Variants in JPH1 observed in about 807,000 individuals in gnomAD.
The protein encoded by JPH1 is junctophilin-1.
In JPH1, 12 loss-of-function variants were observed where a neutral mutation model predicts 53.6. That is an observed-to-expected ratio of 0.22 (90% CI 0.14 to 0.36). JPH1 has a LOEUF of 0.36. Among genes scored for constraint, JPH1 ranks in the 10% least tolerant of loss-of-function variants. JPH1 has a pLI of 1.00. For missense variants in JPH1, 808 were observed against 905.5 expected (o/e 0.89, Z 1.38); for synonymous variants, 375 against 363.8 (o/e 1.03, Z -0.35).
intron 2 of JPH1, among the ~76,000 whole-genome samples, chr8:74,313,233 A>C (rs993917353): frequency 6.6e-6 from 1 of 152,212 alleles, no homozygotes; most frequent in Admixed American, 6.5e-5. Context: ...GGCCTAACAA[A>C]TGTTTATCAC....
intron 2 of JPH1, among the ~76,000 whole-genome samples, chr8:74,311,087 G>A (rs7000149): frequency 7.0e-4 from 107 of 152,182 alleles, no homozygotes; most frequent in African/African-American, 2.4e-3. Context: ...CACCACACCC[G>A]GCTAATTTTC....
rs187057474 is a variant in JPH1 at position 74,234,924 on chromosome 8, C to A, written c.*2127G>T. 6.6e-6 allele frequency: 1 copy of A among 152,524 alleles called. No individual in the cohort carries two copies. Among genetic ancestry groups the A allele is most frequent in the Non-Finnish European group, 1.5e-5 (1 of 68,026 alleles). The allele number at this position is 152,524 out of a possible 1,614,324, so 9.4% of individuals were successfully genotyped here. A position where few individuals can be genotyped will look rare whatever the true frequency, so the allele number is the denominator to read the frequency against. ...CAGTATAACAACCCATTAGAAAGAG[C>A]CTTCATGTAAAATACAGCTGTGCAC... is the stretch of plus-strand genomic sequence containing the variant. On this transcript the variant is annotated 3_prime_UTR_variant, in exon 6 of 6. Coordinates refer to ENST00000342232, the MANE Select transcript of JPH1 (RefSeq NM_020647.4).
rs566314988 is a variant in JPH1 at position 74,249,763 on chromosome 8, T to C, written c.1259-4588A>G. Reference sequence around the variant, plus strand: ...ATCCATGACATATTAATGATAGGCCTAGACTATTATGTAATGGAGCTATGC... The same window carrying C: ...ATCCATGACATATTAATGATAGGCCCAGACTATTATGTAATGGAGCTATGC... On this transcript the variant is annotated intron_variant, in intron 3 of 5. Transcript: ENST00000342232. 2.0e-5 allele frequency among the ~76,000 whole-genome samples: 3 copies of C among 152,350 alleles called. No homozygotes were observed. The South Asian group carries it at 6.2e-4, about 32-fold the overall frequency.
At position 74,244,687 on chromosome 8, in the gene JPH1, T is replaced by G; in HGVS notation, c.1747A>C (p.Lys583Gln). Reference sequence around the variant, plus strand: ...GGACTCCACTTGTTAGCGGATGGCTTGTGCACCAGTGCTGAGGAAGACTGG... The same window carrying G: ...GGACTCCACTTGTTAGCGGATGGCTGGTGCACCAGTGCTGAGGAAGACTGG... ...SSQSSSALVH[K>Q]PSANKWSPSK... The change falls in exon 4 of 6, where the codon AAG becomes CAG. Residue 583 changes from lysine (K) to glutamine (Q), a missense_variant. Physicochemically the swap from Lys to Gln is moderately conservative, Grantham distance 53. Transcript: ENST00000342232. The G allele has an allele frequency of 6.2e-7, 1 of 1,614,214 alleles. No individual in the cohort carries two copies.
At position 74,315,252 on chromosome 8, in the gene JPH1, A is replaced by C; in HGVS notation, c.748T>G (p.Ser250Ala). ...RSDAAMSRISSSDANSTISFG... is the reference protein window; with the variant it reads ...RSDAAMSRISASDANSTISFG... The stretch of plus-strand genomic sequence containing the variant: ...CTGATCGTGGAGTTGGCATCGCTGG[A>C]ACTAATTCTGCTCATGGCCGCGTCG... The change falls in exon 2 of 6, where the codon TCC becomes GCC. Residue 250 changes from serine to alanine, a missense_variant. Physicochemically the swap from Ser to Ala is moderately conservative, Grantham distance 99. Coordinates refer to ENST00000342232, the MANE Select transcript of JPH1 (RefSeq NM_020647.4). The surrounding 1 kb of genome is among the most constrained non-coding windows in gnomAD (Gnocchi z 6.3). The C allele has an allele frequency of 6.2e-7, 1 of 1,614,184 alleles. No homozygotes were observed. Among genetic ancestry groups the C allele is most frequent in the Non-Finnish European group, 8.5e-7 (1 of 1,180,042 alleles).
intron 2 of JPH1, among the ~76,000 whole-genome samples, chr8:74,287,493 T>C (rs1358808385): frequency 2.0e-5 from 3 of 152,126 alleles, no homozygotes; most frequent in Non-Finnish European, 4.4e-5. Flanking sequence ...GGTTATCTAC[T>C]GATTGTTATG....
chr8:74,256,930 T>G (rs907925160), intron 3 of JPH1, among the ~76,000 whole-genome samples: 1 of 152,188 alleles, frequency 6.6e-6, no homozygotes, highest in African/African-American at 2.4e-5. Flanking sequence ...CACGAACACA[T>G]GCATTCCAAA....
intron 3 of JPH1, among the ~76,000 whole-genome samples, chr8:74,249,703 C>A (rs1287431691): frequency 6.6e-6 from 1 of 152,152 alleles, no homozygotes; most frequent in African/African-American, 2.4e-5. Flanking sequence ...GCTTAGAAGT[C>A]ATCTATTCCA....
Position 74,315,626 on chromosome 8 carries a change from A to G in JPH1, c.380-6T>C. 1 of 1,585,616 alleles carries G rather than the reference A, an allele frequency of 6.3e-7. No homozygotes were observed. Among genetic ancestry groups the G allele is most frequent in the Non-Finnish European group, 8.5e-7 (1 of 1,170,616 alleles). ...CCACTGGCCCTGGTAGGTACCTTGG[A>G]GAGACCGCAAGAAAGCACCGTGAGT... On this transcript the variant is annotated splice_polypyrimidine_tract_variant and splice_region_variant and intron_variant, in intron 1 of 5. Transcript: ENST00000342232. The surrounding 1 kb of genome is among the most constrained non-coding windows in gnomAD (Gnocchi z 6.3).
chr8:74,318,343 C>T (rs2131469532), intron 1 of JPH1, among the ~76,000 whole-genome samples: 1 of 152,274 alleles, frequency 6.6e-6, no homozygotes, highest in African/African-American at 2.4e-5. Flanking sequence ...GAGTTTCAGT[C>T]AAATTTGCAC....
chr8:74,257,282 C>T (rs1225701372), intron 3 of JPH1, among the ~76,000 whole-genome samples: 1 of 152,166 alleles, frequency 6.6e-6, no homozygotes, highest in Non-Finnish European at 1.5e-5. Context: ...GAAAGGGTGG[C>T]ATTACATTTT....
Position 74,315,496 on chromosome 8 carries a change from G to A in JPH1, c.504C>T (p.Ser168=), listed in dbSNP as rs1808128413. The A allele has an allele frequency of 1.2e-6, 2 of 1,605,726 alleles. No individual in the cohort carries two copies. The highest frequency in any genetic ancestry group is 1.7e-6 in the Non-Finnish European group (2 of 1,177,020). ...GGAGCACGCTGCCATTGCTCTGCTC[G>A]CTGCGCAGCGAGGCCAGCGAGGTAC... ...PLRTSLASLR[S]EQSNGSVLHD... Residue 168 remains serine, a synonymous_variant, in exon 2 of 6, where the codon AGC becomes AGT. Coordinates refer to ENST00000342232, the MANE Select transcript of JPH1 (RefSeq NM_020647.4). The surrounding 1 kb of genome is among the most constrained non-coding windows in gnomAD (Gnocchi z 6.3).
intron 1 of JPH1, among the ~76,000 whole-genome samples, chr8:74,316,493 G>A (rs1168936395): frequency 6.6e-6 from 1 of 152,224 alleles, no homozygotes; most frequent in Non-Finnish European, 1.5e-5. Flanking sequence ...CCTCTGGTCT[G>A]TGTTTGTGGA....
At position 74,315,305 on chromosome 8, in the gene JPH1, A is replaced by G. The variant is rs1369106149; in HGVS notation, c.695T>C (p.Ile232Thr). 6.2e-7 allele frequency: 1 copy of G among 1,613,904 alleles called. No homozygotes were observed. Among genetic ancestry groups the G allele is most frequent in the South Asian group, 1.1e-5 (1 of 91,080 alleles). The change falls in exon 2 of 6, where the codon ATC (isoleucine) becomes ACC (threonine). Residue 232 changes from isoleucine to threonine, a missense_variant. Physicochemically the swap from Ile to Thr is moderately conservative, Grantham distance 89 (BLOSUM62 -1). Around this residue, in one of 2 missense-constraint regions of JPH1, gnomAD observed 756 missense variants for 811.9 expected, o/e 0.93. Transcript: ENST00000342232. The surrounding 1 kb of genome is among the most constrained non-coding windows in gnomAD (Gnocchi z 6.3). ...KLRKSESKSSISSKRSSVRSD... is the reference protein window; with the variant it reads ...KLRKSESKSSTSSKRSSVRSD... The stretch of plus-strand genomic sequence containing the variant: ...GCGGACAGAGCTGCGCTTGCTCGAG[A>G]TGGAAGACTTGGATTCGGACTTGCG...
chr8:74,311,728 T>A (rs113051504), intron 2 of JPH1, among the ~76,000 whole-genome samples: 2,627 of 141,078 alleles, frequency 0.019, 66 homozygotes, highest in African/African-American at 0.057. Flanking sequence ...TGTCCATGTG[T>A]TCTCATTGTT....
intron 4 of JPH1, among the ~76,000 whole-genome samples, chr8:74,242,735 A>G (rs1273630895): frequency 1.3e-5 from 2 of 152,342 alleles, no homozygotes; most frequent in East Asian, 3.9e-4. Context: ...GGCAGTCTAA[A>G]GCTCAGGGTA....
intron 2 of JPH1, among the ~76,000 whole-genome samples, chr8:74,300,093 T>C (rs1297763911): frequency 6.6e-6 from 1 of 152,196 alleles, no homozygotes; most frequent in African/African-American, 2.4e-5. Context: ...AGCGAAGAGT[T>C]AGAATAATTT....
chr8:74,284,180 C>T (rs1183859516), intron 2 of JPH1, among the ~76,000 whole-genome samples: 1 of 152,226 alleles, frequency 6.6e-6, no homozygotes, highest in Non-Finnish European at 1.5e-5. Flanking sequence ...AATAAGTATG[C>T]TTACATGCAT....
chr8:74,310,663 A>G (rs1807967092), intron 2 of JPH1, among the ~76,000 whole-genome samples: 1 of 152,170 alleles, frequency 6.6e-6, no homozygotes, highest in South Asian at 2.1e-4. Flanking sequence ...AGAGAAGCAA[A>G]GCAAAGGTCC....
Sources: allele counts gnomAD v4.1 joint callset (sites outside exome capture counted in the v4.1 genomes callset), GRCh38; gene constraint gnomAD v4.1.1; regional missense constraint gnomAD v4.1.1; non-coding constraint Gnocchi (gnomAD v3.1); transcripts MANE v1.5; gene names NCBI Gene and HGNC (gene_info 2026-07-23, HGNC 2026-07-21).